The following RPL6 variants were observed in gnomAD, a reference collection of about 807,000 sequenced individuals.
RPL6 encodes the protein large ribosomal subunit protein eL6.
A neutral mutation model predicts 32.1 loss-of-function variants in RPL6; 1 was observed. The ratio of observed to expected loss-of-function variants is 0.03; its 90% CI spans 0.01 to 0.15. RPL6 has a LOEUF of 0.15. Among genes scored for constraint, RPL6 ranks in the 10% least tolerant of loss-of-function variants. The pLI is 1.00. For synonymous variants in RPL6, 126 were observed against 131.6 expected, an observed-to-expected ratio of 0.96 and a Z score of 0.29; for missense variants, 275 against 354.6, an observed-to-expected ratio of 0.78 and a Z score of 1.80.
rs1410444497 is a variant in RPL6, at chr12:112,406,026, G to C, written c.541C>G (p.Leu181Val). 45 of 1,611,656 alleles carry C rather than the reference G, an allele frequency of 2.8e-5. No individual in the cohort carries two copies. Among genetic ancestry groups the C allele is most frequent in the Non-Finnish European group, 3.3e-5 (39 of 1,179,088 alleles). ...GLLLVTGPLV[L>V]NRVPLRRTHQ... ...GTTCTTCGTAGAGGAACTCGATTGA[G>C]GACCAGAGGTCCTAAGGGGGAAAAA... Residue 181 changes from leucine (L) to valine (V), a missense_variant, in exon 6 of 7, where the codon CTC (leucine) becomes GTC (valine). By Grantham distance (32) the Leu-to-Val change is conservative. Transcript: ENST00000202773.
intron 6 of RPL6, 165 bp from the exon 7 acceptor site, chr12:112,405,541 T>A: frequency 1.4e-6 from 1 of 736,260 alleles, no homozygotes; most frequent in East Asian, 2.7e-5. Context: ...ACACAACCCA[T>A]TTTTTAATGT....
chr12:112,410,432 G>A (rs1444436416), upstream of RPL6: 1 of 182,420 alleles, frequency 5.5e-6, no homozygotes, highest in Non-Finnish European at 1.2e-5. Context: ...AAAAATTAAA[G>A]TGAGGATAAC....
chr12:112,406,723 C>A, intron 4 of RPL6, 24 bp downstream of exon 4: 2 of 1,612,388 alleles, frequency 1.2e-6, no homozygotes. Flanking sequence ...TGCAGTGAAG[C>A]GCCCCAAGCA....
upstream of RPL6, among the ~76,000 whole-genome samples, chr12:112,414,379 T>C (rs970316215): frequency 6.6e-6 from 1 of 152,234 alleles, no homozygotes; most frequent in Non-Finnish European, 1.5e-5. Flanking sequence ...GTGCAGAATA[T>C]AGGAAACACT....
chr12:112,416,177 T>C (rs1270329532), intron 1 of RPL6, among the ~76,000 whole-genome samples: 2 of 143,734 alleles, frequency 1.4e-5, no homozygotes, highest in Non-Finnish European at 3.0e-5. Context: ...TCTCGCTCTG[T>C]TGCCCAGGCT....
chr12:112,408,451 T>C lies in RPL6; in HGVS notation c.206A>G (p.Tyr69Cys). The change falls in exon 2 of 7, where the codon TAC becomes TGC. Residue 69 changes from tyrosine to cysteine, a missense_variant. Coordinates refer to ENST00000202773, the MANE Select transcript of RPL6 (RefSeq NM_000970.6). ...RSAMYSRKAM[Y>C]KRKYSAAKSK... is the part of the protein sequence containing the mutation. ...TTTAGCGGCTGAGTACTTCCTCTTG[T>C]ACATGGCCTTTCTGGAATACATGGC... 1.2e-6 allele frequency: 2 copies of C among 1,614,210 alleles called. No homozygotes were observed. Among genetic ancestry groups the C allele is most frequent in the Admixed American group, 1.7e-5 (1 of 60,014 alleles).
rs1174473631 is a variant in RPL6, at chr12:112,405,737, C to T, written c.714+116G>A. Reference sequence around the variant, plus strand: ...GAAGAATCTGGAATACTAAGTATCTCCCAGCATTCCTCATTATTTAACCTT... The same window carrying T: ...GAAGAATCTGGAATACTAAGTATCTTCCAGCATTCCTCATTATTTAACCTT... On this transcript the variant is annotated intron_variant, in intron 6 of 6. Transcript: ENST00000202773. 3 of 851,568 alleles carry T rather than the reference C, an allele frequency of 3.5e-6. No individual in the cohort carries two copies. In the Admixed American group the frequency reaches 8.7e-5, roughly 25 times the overall value. The allele number at this position is 851,568 out of a possible 1,614,324, so 52.8% of individuals were successfully genotyped here.
chr12:112,409,003 G>A, intron 1 of RPL6: 1 of 278,478 alleles, frequency 3.6e-6, no homozygotes, highest in East Asian at 6.9e-5. Context: ...TGTGTCCACA[G>A]GTTAGAAGCA....
At chr12:112,408,137 A>C in intron 3 of RPL6, 103 bp downstream of exon 3, 2 of 824,024 alleles carry the variant, frequency 2.4e-6, no homozygotes, top group Non-Finnish European at 3.9e-6. Context: ...TTCTATCAGA[A>C]ATTCTCCGGT....
intron 4 of RPL6, 160 bp from the exon 5 acceptor site, chr12:112,406,502 T>C (rs2037173016): frequency 2.6e-6 from 2 of 775,740 alleles, no homozygotes; most frequent in South Asian, 1.8e-5. Flanking sequence ...ACTAAGGTAG[T>C]ACTCCAGACA....
chr12:112,405,306 T>G lies in RPL6; in HGVS notation c.785A>C (p.Lys262Thr), dbSNP rs1473277975. 8 of 1,610,990 alleles carry G rather than the reference T, an allele frequency of 5.0e-6. No homozygotes were observed. Among genetic ancestry groups the G allele is most frequent in the Non-Finnish European group, 6.8e-6 (8 of 1,179,218 alleles). Residue 262 changes from lysine to threonine, a missense_variant, in exon 7 of 7, where the codon AAA (lysine) becomes ACA (threonine). Lys to Thr is a moderately conservative substitution (Grantham distance 78, BLOSUM62 -1). Transcript: ENST00000202773. ...AVDSQILPKIKAIPQLQGYLR... is the reference protein window; with the variant it reads ...AVDSQILPKITAIPQLQGYLR... ...GTAGCCCTGGAGCTGAGGAATAGCT[T>G]TGATTTTTGGTAAAATTTGTGAGTC...
chr12:112,409,278 C>A (rs905093650), intron 1 of RPL6: 42 of 390,716 alleles, frequency 1.1e-4, no homozygotes, highest in African/African-American at 8.6e-4. Flanking sequence ...GGACCAGGAA[C>A]ACAGTGCACG....
At chr12:112,415,273 C>G (rs920223874), upstream of RPL6, among the ~76,000 whole-genome samples, 1 of 151,866 alleles carries the variant, frequency 6.6e-6, no homozygotes, top group Non-Finnish European at 1.5e-5. Flanking sequence ...TGATTGGGGA[C>G]CAGAGTTAAA....
upstream of RPL6, chr12:112,410,390 C>A: frequency 4.2e-6 from 1 of 238,046 alleles, no homozygotes; most frequent in South Asian, 5.8e-5. Flanking sequence ...GCCTGGCCTA[C>A]AGAATGAGAC....
chr12:112,417,686 G>A lies in RPL6; in HGVS notation c.-229+1042C>T, dbSNP rs527449968. On this transcript the variant is annotated intron_variant, in intron 1 of 5. Transcript: ENST00000551291. ...CCTCCCAAAGTTCTGGGATGAAGGC[G>A]TGAGCCACCATACCTGGCCTGAGTG... Among the ~76,000 whole-genome samples, 354 of 149,760 alleles carry A rather than the reference G, an allele frequency of 2.4e-3. 2 individuals carry two copies. The highest frequency in any genetic ancestry group is 3.1e-3 in the Non-Finnish European group (209 of 67,548).
chr12:112,409,726 C>T (rs76896193), upstream of RPL6: 21,465 of 366,830 alleles, frequency 0.059, 763 homozygotes, highest in Middle Eastern at 0.11. Context: ...GTAGTAAATC[C>T]TAGGCCGGGT....
intron 1 of RPL6, among the ~76,000 whole-genome samples, chr12:112,416,133 ATTTTTTTTTT>A (rs1168421826): frequency 1.2e-4 from 6 of 51,052 alleles, no homozygotes; most frequent in African/African-American, 1.6e-4. Context: ...TAAATTTTGT[ATTTTTTTTTT>A]TTTTTTTTTT....
chr12:112,409,208 G>A (rs765241909), intron 1 of RPL6: 4 of 363,004 alleles, frequency 1.1e-5, no homozygotes, highest in Non-Finnish European at 2.0e-5. Context: ...GAAACCTTTT[G>A]GCTTCAGTGC....
chr12:112,414,174 A>G (rs1167578026), upstream of RPL6, among the ~76,000 whole-genome samples: 6 of 152,250 alleles, frequency 3.9e-5, no homozygotes, highest in Non-Finnish European at 8.8e-5. Flanking sequence ...GGATGCAAGA[A>G]ACAGCTAGAA....
Sources: gnomAD v4.1 joint callset for allele counts (sites outside exome capture counted in the v4.1 genomes callset) on GRCh38, gnomAD v4.1.1 for gene constraint, MANE v1.5 for transcripts, NCBI Gene and HGNC (gene_info 2026-07-23, HGNC 2026-07-21) for gene names.